Variants in MORN1 observed in about 807,000 individuals in gnomAD.
MORN1 encodes MORN repeat containing 1, also known as MORN repeat-containing protein 1.
MORN1 carries 67 observed loss-of-function variants against 61.9 expected under a neutral mutation model. That is an observed-to-expected ratio of 1.08 (90% CI 0.89 to 1.33). The LOEUF is 1.33. Ranked by LOEUF, MORN1 falls within the 40% of genes most tolerant of loss-of-function variation. The pLI, the probability that MORN1 is intolerant of heterozygous loss-of-function variation, is 0.00. For missense variants in MORN1, 752 were observed against 691.2 expected (o/e 1.09, Z -0.99); for synonymous variants, 301 against 292.0 (o/e 1.03, Z -0.31).
chr1:2,324,377 C>T (rs1044088764), intron 12 of MORN1, among the ~76,000 whole-genome samples: 1 of 152,206 alleles, frequency 6.6e-6, no homozygotes, highest in Non-Finnish European at 1.5e-5. Context: ...TCCTCTTTGT[C>T]TAAATTCTTG....
chr1:2,333,990 A>G (rs1641214233), intron 12 of MORN1, among the ~76,000 whole-genome samples: 1 of 152,174 alleles, frequency 6.6e-6, no homozygotes, highest in African/African-American at 2.4e-5. Context: ...GCTGGGACCC[A>G]GACCAGAGGG....
intron 8 of MORN1, among the ~76,000 whole-genome samples, chr1:2,360,277 C>T (rs962203000): frequency 2.0e-5 from 3 of 152,188 alleles, no homozygotes; most frequent in Non-Finnish European, 2.9e-5. Flanking sequence ...AAAACACTAG[C>T]GTAGCCTGCT....
chr1:2,325,817 G>A (rs910413870), intron 12 of MORN1, among the ~76,000 whole-genome samples: 1 of 151,878 alleles, frequency 6.6e-6, no homozygotes, highest in Non-Finnish European at 1.5e-5. Context: ...TGGGGATGGG[G>A]TCTCACTATG....
rs113596711 is a variant in MORN1 at position 2,348,662 on chromosome 1, C to T, written c.1036+8770G>A. 5.8e-5 allele frequency among the ~76,000 whole-genome samples: 8 copies of T among 136,806 alleles called. No individual in the cohort carries two copies. In the East Asian group the frequency reaches 8.0e-4, roughly 14 times the overall value. 89.8% of individuals were successfully genotyped at this position (136,806 alleles called of 152,430 possible). A position where few individuals can be genotyped will look rare whatever the true frequency, so the allele number is the denominator to read the frequency against. On this transcript the variant is annotated intron_variant, in intron 10 of 13. Transcript: ENST00000378531. The stretch of plus-strand genomic sequence containing the variant: ...ACCTGCGCAGGCACGCACACACGCA[C>T]GCACACGCACACCTGCGCAGGCACG...
intron 10 of MORN1, among the ~76,000 whole-genome samples, chr1:2,340,264 AC>A (rs1406071614): frequency 6.6e-6 from 1 of 151,454 alleles, no homozygotes; most frequent in Non-Finnish European, 1.5e-5. Context: ...CAGCCAGATG[AC>A]CTCTCACCTG....
At chr1:2,353,378 C>A (rs1641692171) in intron 10 of MORN1, among the ~76,000 whole-genome samples, 1 of 152,230 alleles carries the variant, frequency 6.6e-6, no homozygotes, top group African/African-American at 2.4e-5. Context: ...GATTCTAGGG[C>A]CTCCGTGCAG....
At chr1:2,374,813 C>T (rs1239700031) in intron 6 of MORN1, 7 of 435,822 alleles carry the variant, frequency 1.6e-5, no homozygotes, top group East Asian at 7.7e-5. Flanking sequence ...GGAACAACGG[C>T]ACAGTATATA....
chr1:2,372,175 C>T lies in MORN1; in HGVS notation c.745+306G>A. 3.5e-6 allele frequency: 1 copy of T among 282,672 alleles called. No homozygotes were observed. Among genetic ancestry groups the T allele is most frequent in the South Asian group, 4.2e-5 (1 of 23,828 alleles). 17.5% of individuals were successfully genotyped at this position (282,672 alleles called of 1,614,324 possible). On this transcript the variant is annotated intron_variant, in intron 8 of 13. Transcript: ENST00000378531. The surrounding 1 kb of genome is among the most constrained non-coding windows in gnomAD (Gnocchi z 5.4). ...ACACTCTGACACACGTGCACGCGTG[C>T]CCCCCCACACGTATACACATTCAGA...
rs146043178 is a variant in MORN1 at position 2,385,028 on chromosome 1, G to C, written c.487C>G (p.Arg163Gly). 1 of 1,599,690 alleles carries C rather than the reference G, an allele frequency of 6.3e-7. No homozygotes were observed. The highest frequency in any genetic ancestry group is 8.5e-7 in the Non-Finnish European group (1 of 1,174,880). Residue 163 changes from arginine to glycine, a missense_variant, in exon 6 of 14, where the codon CGG becomes GGG. Coordinates refer to ENST00000378531, the MANE Select transcript of MORN1 (RefSeq NM_024848.3). ...CGCAGCACCCCGTGTCCCTGACGCCGGTCCCGGACCCAGTCGCCGTCGTAC... is the reference window on the plus strand; with the variant it reads ...CGCAGCACCCCGTGTCCCTGACGCCCGTCCCGGACCCAGTCGCCGTCGTAC... Reference protein sequence around the residue: ...DKYDGDWVRDRRQGHGVLRCA... With the variant: ...DKYDGDWVRDGRQGHGVLRCA...
chr1:2,349,684 C>A (rs1641604699), intron 10 of MORN1, among the ~76,000 whole-genome samples: 1 of 152,078 alleles, frequency 6.6e-6, no homozygotes, highest in Non-Finnish European at 1.5e-5. Flanking sequence ...ATGAAATTCC[C>A]TGAAATTCTC....
chr1:2,323,815 C>T (rs1640936581), intron 13 of MORN1: 1 of 985,222 alleles, frequency 1.0e-6, no homozygotes, highest in Non-Finnish European at 1.2e-6. Context: ...CCCGTGCTCC[C>T]TGCCCCCGTG....
intron 8 of MORN1, among the ~76,000 whole-genome samples, chr1:2,360,111 C>T (rs953417569): frequency 6.6e-6 from 1 of 152,164 alleles, no homozygotes; most frequent in Non-Finnish European, 1.5e-5. Flanking sequence ...ATGTATCACG[C>T]CCTGCACCCC....
chr1:2,362,229 A>G (rs56380007), intron 8 of MORN1, among the ~76,000 whole-genome samples: 21,092 of 152,186 alleles, frequency 0.14, 1,799 homozygotes, highest in Middle Eastern at 0.24. Context: ...GAGACAACTC[A>G]AAATAAAAAA....
At chr1:2,382,518 AG>A (rs1225353090) in intron 6 of MORN1, among the ~76,000 whole-genome samples, 1 of 151,158 alleles carries the variant, frequency 6.6e-6, no homozygotes, top group Non-Finnish European at 1.5e-5. Flanking sequence ...CTGCAAGGCG[AG>A]GGAATCGTCA....
intron 13 of MORN1, chr1:2,322,094 G>A (rs1640893997): frequency 3.0e-6 from 3 of 985,420 alleles, no homozygotes; most frequent in Non-Finnish European, 3.6e-6. Context: ...ACCCGCGCTG[G>A]GGCTCTCCGG....
chr1:2,341,528 T>C (rs1410361457), intron 10 of MORN1, among the ~76,000 whole-genome samples: 5 of 151,892 alleles, frequency 3.3e-5, no homozygotes, highest in African/African-American at 1.2e-4. Flanking sequence ...CCGTCTCTAC[T>C]AAAAATACAA....
intron 13 of MORN1, chr1:2,321,989 C>T (rs552938556): frequency 5.1e-6 from 5 of 975,656 alleles, no homozygotes; most frequent in Non-Finnish European, 6.1e-6. Flanking sequence ...AAAAATAATT[C>T]ATTCCCTCCA....
intron 9 of MORN1, 104 bp downstream of exon 9, chr1:2,358,488 G>A: frequency 4.1e-6 from 6 of 1,448,864 alleles, no homozygotes; most frequent in Non-Finnish European, 5.8e-6. Flanking sequence ...GTCATAACCA[G>A]GACTTAGCCC....
At position 2,336,535 on chromosome 1, in the gene MORN1, CTG is replaced by C. The variant is rs759682378; in HGVS notation, c.1182_1183del (p.Arg395IlefsTer24). The C allele has an allele frequency of 3.7e-6, 6 of 1,612,716 alleles. No homozygotes were observed. In the South Asian group the frequency reaches 5.5e-5, roughly 15 times the overall value. ...CCTGGGGTGCAGGCCGCCTCTGGATCTGCCGCCTGCCTTCTAGAAAGATTGGG... is the reference window on the plus strand; with the variant it reads ...CCTGGGGTGCAGGCCGCCTCTGGATCCCGCCTGCCTTCTAGAAAGATTGGG... On this transcript the variant is annotated frameshift_variant, in exon 12 of 14. Coordinates refer to ENST00000378531, the MANE Select transcript of MORN1 (RefSeq NM_024848.3). LOFTEE classifies it high-confidence loss of function.
Sources: gnomAD v4.1 joint callset for allele counts (sites outside exome capture counted in the v4.1 genomes callset) on GRCh38, gnomAD v4.1.1 for gene constraint, Gnocchi (gnomAD v3.1) non-coding constraint, MANE v1.5 for transcripts, NCBI Gene and HGNC (gene_info 2026-07-23, HGNC 2026-07-21) for gene names.